The following VPS13B variants were observed in gnomAD, a reference collection of about 807,000 sequenced individuals.
The protein encoded by VPS13B is intermembrane lipid transfer protein VPS13B.
In VPS13B, 285 loss-of-function variants were observed where a neutral mutation model predicts 426.4. The ratio of observed to expected loss-of-function variants is 0.67; its 90% CI spans 0.61 to 0.74. The LOEUF is 0.74. Ranked by LOEUF, VPS13B falls within the 30% of genes least tolerant of loss-of-function variation. The pLI is 0.00. For missense variants in VPS13B, 4,537 were observed against 4,782.6 expected, an observed-to-expected ratio of 0.95 and a Z score of 1.51; for synonymous variants, 1,676 against 1,676.4, an observed-to-expected ratio of 1.00 and a Z score of 0.01.
intron 21 of VPS13B, among the ~76,000 whole-genome samples, chr8:99,408,675 T>G (rs1334942444): frequency 6.6e-6 from 1 of 152,088 alleles, no homozygotes; most frequent in Non-Finnish European, 1.5e-5. Context: ...TCCAGACAAT[T>G]CCCTGGAAAT....
chr8:99,712,759 C>CAAAAAAAAAAAAAAAAAAAAA (rs386360840), intron 36 of VPS13B, among the ~76,000 whole-genome samples: 1 of 98,146 alleles, frequency 1.0e-5, no homozygotes. Context: ...GTCCCCAAGC[C>CAAAAAAAAAAAAAAAAAAAAA]AAAAAAAAAA....
chr8:99,819,518 G>A lies in VPS13B; in HGVS notation c.8728G>A (p.Glu2910Lys), dbSNP rs143787982. Reference protein sequence around the residue: ...PGGTVNQILDEFYGPEKSLQP... With the variant: ...PGGTVNQILDKFYGPEKSLQP... ...AGGCACAGTTAATCAGATCCTTGACGAATTCTATGGGCCAGAAAAGTCGCT... is the reference window on the plus strand; with the variant it reads ...AGGCACAGTTAATCAGATCCTTGACAAATTCTATGGGCCAGAAAAGTCGCT... The change falls in exon 48 of 62, where the codon GAA becomes AAA. Residue 2910 changes from glutamate (E) to lysine (K), a missense_variant. Coordinates refer to ENST00000357162, the MANE Select transcript of VPS13B (RefSeq NM_152564.5). The A allele has an allele frequency of 2.2e-5, 35 of 1,613,682 alleles. No homozygotes were observed. In the African/African-American group the frequency reaches 2.4e-4, roughly 11 times the overall value.
At chr8:99,066,098 T>G (rs1587988375) in intron 3 of VPS13B, among the ~76,000 whole-genome samples, 1 of 152,354 alleles carries the variant, frequency 6.6e-6, no homozygotes, top group South Asian at 2.1e-4. Context: ...ATAGATTCAA[T>G]GCCATCCCCA....
At chr8:99,809,118 CTTT>C (rs1813565437) in intron 43 of VPS13B, among the ~76,000 whole-genome samples, 1 of 152,152 alleles carries the variant, frequency 6.6e-6, no homozygotes, top group Non-Finnish European at 1.5e-5. Flanking sequence ...TTCAGCAGGC[CTTT>C]TACCATTTGA....
Position 99,067,038 on chromosome 8 carries a change from G to A in VPS13B, c.291+28472G>A, listed in dbSNP as rs189160809. On this transcript the variant is annotated intron_variant, in intron 3 of 61. Transcript: ENST00000357162. ...GTAGAAATAGGAACGCTTTTACAGT[G>A]TTGGTGGGAGTGTAAATTAGTTCAA... is the stretch of plus-strand genomic sequence containing the variant. 4.6e-3 allele frequency among the ~76,000 whole-genome samples: 701 copies of A among 152,326 alleles called. 2 individuals are homozygous for A. The highest frequency in any genetic ancestry group is 6.9e-3 in the Non-Finnish European group (469 of 68,030).
At chr8:99,591,443 G>A (rs544619644) in intron 33 of VPS13B, among the ~76,000 whole-genome samples, 26 of 152,150 alleles carry the variant, frequency 1.7e-4, no homozygotes, top group African/African-American at 6.3e-4. Flanking sequence ...TTTCTTCATA[G>A]CATCGATGGT....
intron 39 of VPS13B, among the ~76,000 whole-genome samples, chr8:99,735,321 A>G (rs548323336): frequency 6.6e-6 from 1 of 152,222 alleles, no homozygotes; most frequent in Admixed American, 6.5e-5. Context: ...CTTTATTTGG[A>G]AGTAGGGTTT....
chr8:99,643,755 C>A (rs573977921), intron 34 of VPS13B, among the ~76,000 whole-genome samples: 186 of 152,300 alleles, frequency 1.2e-3, no homozygotes, highest in Non-Finnish European at 1.4e-3. Flanking sequence ...CATATCAGCT[C>A]TCCTACACCA....
At chr8:99,142,904 A>C in intron 12 of VPS13B, 70 bp from the exon 13 acceptor site, 1 of 1,489,986 alleles carries the variant, frequency 6.7e-7, no homozygotes, top group Non-Finnish European at 9.1e-7. Context: ...AAATGAGAGA[A>C]GAGCGATTTT....
chr8:99,277,256 G>T (rs1269693140), intron 19 of VPS13B, among the ~76,000 whole-genome samples: 1 of 151,238 alleles, frequency 6.6e-6, no homozygotes, highest in Non-Finnish European at 1.5e-5. Flanking sequence ...TATTCCTTTG[G>T]GTATGTTTTG....
chr8:99,582,782 A>C (rs1826130199), intron 33 of VPS13B, among the ~76,000 whole-genome samples: 1 of 151,876 alleles, frequency 6.6e-6, no homozygotes, highest in African/African-American at 2.4e-5. Context: ...CAGCCTCCCG[A>C]GTAGCTGGGA....
chr8:99,268,492 G>C (rs1818417248), intron 17 of VPS13B, among the ~76,000 whole-genome samples: 1 of 152,236 alleles, frequency 6.6e-6, no homozygotes, highest in African/African-American at 2.4e-5. Context: ...CTGGATATGA[G>C]ACATGGAGTA....
intron 17 of VPS13B, among the ~76,000 whole-genome samples, chr8:99,218,591 T>C (rs997141566): frequency 6.6e-6 from 1 of 152,216 alleles, no homozygotes; most frequent in African/African-American, 2.4e-5. Flanking sequence ...TGTTTAGCTG[T>C]TGTGTGCTCT....
chr8:99,284,534 T>A (rs186829414), intron 19 of VPS13B, among the ~76,000 whole-genome samples: 1 of 152,274 alleles, frequency 6.6e-6, no homozygotes, highest in Non-Finnish European at 1.5e-5. Flanking sequence ...TTTGAGCAAG[T>A]AAACCTTTCT....
At chr8:99,510,994 G>A in intron 28 of VPS13B, 110 bp from the exon 29 acceptor site, 1 of 1,200,020 alleles carries the variant, frequency 8.3e-7, no homozygotes, top group Non-Finnish European at 1.2e-6. Flanking sequence ...AAGAAGTGTA[G>A]GGTAAGACCA....
At chr8:99,089,179 A>G (rs924078772) in intron 3 of VPS13B, among the ~76,000 whole-genome samples, 1 of 152,182 alleles carries the variant, frequency 6.6e-6, no homozygotes, top group African/African-American at 2.4e-5. Context: ...CATCTATAAA[A>G]TGAGGATATT....
intron 36 of VPS13B, among the ~76,000 whole-genome samples, chr8:99,714,693 A>G (rs1361870789): frequency 3.3e-5 from 5 of 152,222 alleles, no homozygotes; most frequent in African/African-American, 1.2e-4. Flanking sequence ...ATTGTCAAAA[A>G]TGCATAACCT....
intron 21 of VPS13B, among the ~76,000 whole-genome samples, chr8:99,415,804 C>T (rs998786039): frequency 1.3e-5 from 2 of 152,202 alleles, no homozygotes; most frequent in African/African-American, 4.8e-5. Flanking sequence ...CCCAGAGGGG[C>T]ACCCACCAGA....
intron 35 of VPS13B, among the ~76,000 whole-genome samples, chr8:99,666,041 T>TG (rs1394257695): frequency 5.9e-5 from 9 of 152,282 alleles, no homozygotes; most frequent in South Asian, 2.1e-4. Flanking sequence ...TCACATCCCT[T>TG]TAAGTTGGAT....
Sources: gnomAD v4.1 joint callset for allele counts (sites outside exome capture counted in the v4.1 genomes callset) on GRCh38, gnomAD v4.1.1 for gene constraint, MANE v1.5 for transcripts, NCBI Gene and HGNC (gene_info 2026-07-23, HGNC 2026-07-21) for gene names.